Variants in TKT observed in about 807,000 individuals in gnomAD.
TKT encodes the protein transketolase.
In TKT, 47 loss-of-function variants were observed where a neutral mutation model predicts 63.9. The ratio of observed to expected loss-of-function variants is 0.74; its 90% confidence interval spans 0.58 to 0.94. The LOEUF is 0.94. Among genes scored for constraint, TKT ranks in the 40% least tolerant of loss-of-function variants. The pLI is 0.00. For missense variants in TKT, 721 were observed against 846.2 expected (o/e 0.85, Z 1.84); for synonymous variants, 338 against 334.1 (o/e 1.01, Z -0.13).
At chr3:53,231,282 C>A in intron 7 of TKT, 75 bp downstream of exon 7, 1 of 1,542,680 alleles carries the variant, frequency 6.5e-7, no homozygotes. Context: ...CCCAGCCCTC[C>A]AGAGGGTGTA....
At chr3:53,246,715 G>T (rs1260127549) in intron 1 of TKT, among the ~76,000 whole-genome samples, 1 of 152,040 alleles carries the variant, frequency 6.6e-6, no homozygotes, top group Non-Finnish European at 1.5e-5. Context: ...AGCCGGGCAT[G>T]TGGCACATGC....
rs782568516 is a variant in TKT at position 53,233,245 on chromosome 3, C to G, written c.659G>C (p.Ser220Thr). Residue 220 changes from serine (S) to threonine (T), a missense_variant, in exon 6 of 14, where the codon AGC (serine) becomes ACC (threonine). Ser to Thr is a moderately conservative substitution (Grantham distance 58). Transcript: ENST00000462138. ...GWHAIIVDGH[S>T]VEELCKAFGQ... ...AAAGGCCTTGCACAGCTCCTCCACG[C>G]TGTGTCCATCCACGATGATGGCATG... 1.9e-6 allele frequency: 3 copies of G among 1,613,006 alleles called. No individual in the cohort carries two copies. In the African/African-American group the frequency reaches 4.0e-5, roughly 22 times the overall value.
At chr3:53,255,649 G>A (rs1346107450) in intron 1 of TKT, among the ~76,000 whole-genome samples, 187 bp downstream of exon 1, 5 of 152,028 alleles carry the variant, frequency 3.3e-5, no homozygotes, top group Non-Finnish European at 7.4e-5. Flanking sequence ...GCGAGTGTGC[G>A]GCGCAGCGGA....
rs782165836 is a variant in TKT at position 53,229,325 on chromosome 3, C to T, written c.1219G>A (p.Glu407Lys). The T allele has an allele frequency of 4.4e-5, 71 of 1,613,884 alleles. No individual in the cohort carries two copies. The highest frequency in any genetic ancestry group is 2.2e-5 in the South Asian group (2 of 91,072). The change falls in exon 9 of 14, where the codon GAG (glutamate) becomes AAG (lysine). Residue 407 changes from glutamate (E) to lysine (K), a missense_variant. Physicochemically the swap from Glu to Lys is moderately conservative, Grantham distance 56. Transcript: ENST00000462138. ...FDQIRMAAIS[E>K]SNINLCGSHC... is the part of the protein sequence containing the mutation. ...GAGCCGCAGAGGTTGATGTTGCTCT[C>T]GGAGATGGCGGCCATGCGAATCTGG...
intron 1 of TKT, among the ~76,000 whole-genome samples, chr3:53,246,773 C>G (rs1166477432): frequency 3.3e-5 from 5 of 151,606 alleles, no homozygotes; most frequent in African/African-American, 9.7e-5. Context: ...ATCGTTTGAA[C>G]CCGGGAGGCG....
rs782434016 is a variant in TKT, at chr3:53,229,378, A to G, written c.1166T>C (p.Phe389Ser). The part of the protein sequence containing the change: ...RNRTVPFCST[F>S]AAFFTRAFDQ... Reference sequence around the variant, plus strand: ...AAAGGCCCGCGTGAAGAAGGCTGCAAAAGTGCTGCAGAAGGGCACCGTCCT... The same window carrying G: ...AAAGGCCCGCGTGAAGAAGGCTGCAGAAGTGCTGCAGAAGGGCACCGTCCT... Residue 389 changes from phenylalanine to serine, a missense_variant, in exon 9 of 14, where the codon TTT becomes TCT. Phe to Ser is a radical substitution (Grantham distance 155, BLOSUM62 -2). Coordinates refer to ENST00000462138, the MANE Select transcript of TKT (RefSeq NM_001064.4). 1 of 1,613,188 alleles carries G rather than the reference A, an allele frequency of 6.2e-7. No homozygotes were observed. Among genetic ancestry groups the G allele is most frequent in the South Asian group, 1.1e-5 (1 of 90,920 alleles).
rs781857349 is a variant in TKT, at chr3:53,229,342, C to A, written c.1202G>T (p.Arg401Leu). 1.2e-6 allele frequency: 2 copies of A among 1,613,842 alleles called. No homozygotes were observed. The highest frequency in any genetic ancestry group is 1.7e-6 in the Non-Finnish European group (2 of 1,179,926). ...GTTGCTCTCGGAGATGGCGGCCATG[C>A]GAATCTGGTCAAAGGCCCGCGTGAA... ...AFFTRAFDQI[R>L]MAAISESNIN... The change falls in exon 9 of 14, where the codon CGC becomes CTC. Residue 401 changes from arginine (R) to leucine (L), a missense_variant. Physicochemically the swap from Arg to Leu is moderately radical, Grantham distance 102. Transcript: ENST00000462138.
In TKT at chr3:53,231,488, T is replaced by C; in HGVS notation, c.811A>G (p.Ile271Val). 1 of 1,614,198 alleles carries C rather than the reference T, an allele frequency of 6.2e-7. No individual in the cohort carries two copies. The highest frequency in any genetic ancestry group is 1.3e-5 in the African/African-American group (1 of 75,064). Reference protein sequence around the residue: ...PLPKNMAEQIIQEIYSQIQSK... With the variant: ...PLPKNMAEQIVQEIYSQIQSK... ...TGGATCTGGCTGTAGATCTCCTGGA[T>C]GATCTGCTCAGCCATGTTTTTGGGG... The change falls in exon 7 of 14, where the codon ATC becomes GTC. Residue 271 changes from isoleucine (I) to valine (V), a missense_variant. Ile to Val is a conservative substitution (Grantham distance 29). Transcript: ENST00000462138.
At chr3:53,247,727 C>A (rs906813902) in intron 1 of TKT, among the ~76,000 whole-genome samples, 1 of 151,866 alleles carries the variant, frequency 6.6e-6, no homozygotes, top group Non-Finnish European at 1.5e-5. Context: ...TCTTCCTGTG[C>A]CCTGAACTAC....
At chr3:53,232,220 GA>G (rs1297049356) in intron 6 of TKT, 1 of 398,036 alleles carries the variant, frequency 2.5e-6, no homozygotes, top group Non-Finnish European at 4.4e-6. Flanking sequence ...GAGCCCCCAA[GA>G]AGCTGCAAGT....
intron 3 of TKT, 111 bp downstream of exon 3, chr3:53,241,021 C>A: frequency 1.1e-6 from 1 of 885,732 alleles, no homozygotes; most frequent in Non-Finnish European, 1.7e-6. Flanking sequence ...TGCCCTCCTC[C>A]GCCTTTCAAC....
In TKT at chr3:53,242,145, C is replaced by A; in HGVS notation, c.205G>T (p.Asp69Tyr). Residue 69 changes from aspartate (D) to tyrosine (Y), a missense_variant, in exon 2 of 14, where the codon GAC becomes TAC. Physicochemically the swap from Asp to Tyr is radical, Grantham distance 160 (BLOSUM62 -3). Transcript: ENST00000462138. ...KSQDPRNPHN[D>Y]RFVLSKGHAA... Reference sequence around the variant, plus strand: ...CTTACCTTGGAGAGCACAAAGCGGTCATTGTGCGGATTCCGGGGGTCCTGG... The same window carrying A: ...CTTACCTTGGAGAGCACAAAGCGGTAATTGTGCGGATTCCGGGGGTCCTGG... 1.9e-6 allele frequency: 3 copies of A among 1,614,074 alleles called. No homozygotes were observed. The South Asian group carries it at 3.3e-5, about 18-fold the overall frequency.
intron 5 of TKT, 195 bp from the exon 6 acceptor site, chr3:53,233,469 C>T (rs1704867945): frequency 2.0e-6 from 1 of 510,222 alleles, no homozygotes; most frequent in East Asian, 3.3e-5. Flanking sequence ...TTCTTTTTCA[C>T]ATTATTTTAC....
Position 53,225,699 on chromosome 3 carries a change from C to G in TKT, c.*57G>C. 2 of 1,506,670 alleles carry G rather than the reference C, an allele frequency of 1.3e-6. No homozygotes were observed. Among genetic ancestry groups the G allele is most frequent in the South Asian group, 2.6e-5 (2 of 76,490 alleles). 93.3% of individuals were successfully genotyped at this position (1,506,670 alleles called of 1,614,324 possible). A position where few individuals can be genotyped will look rare whatever the true frequency, so the allele number is the denominator to read the frequency against. On this transcript the variant is annotated 3_prime_UTR_variant, in exon 14 of 14. Transcript: ENST00000462138. Reference sequence around the variant, plus strand: ...CCCCTCCTCTCAGTACATCTTTGAGCACCTTTCCCAGAATCTCAGGAATGT... The same window carrying G: ...CCCCTCCTCTCAGTACATCTTTGAGGACCTTTCCCAGAATCTCAGGAATGT...
In TKT at chr3:53,229,736, G is replaced by T. The variant is rs118171816; in HGVS notation, c.1108-300C>A. On this transcript the variant is annotated intron_variant, in intron 8 of 13. Coordinates refer to ENST00000462138, the MANE Select transcript of TKT (RefSeq NM_001064.4). ...GCTGCCCTTCAAGGCTCCAAAATCTGCCAGCCAACACAAGGCCTCTTTCCC... is the reference window on the plus strand; with the variant it reads ...GCTGCCCTTCAAGGCTCCAAAATCTTCCAGCCAACACAAGGCCTCTTTCCC... Among the ~76,000 whole-genome samples, 744 of 151,990 alleles carry T rather than the reference G, an allele frequency of 4.9e-3. 37 individuals carry two copies. In the South Asian group the frequency reaches 0.1, roughly 21 times the overall value.
Position 53,231,545 on chromosome 3 carries a change from C to G in TKT, c.754G>C (p.Glu252Gln), listed in dbSNP as rs1704760975. Residue 252 changes from glutamate to glutamine, a missense_variant, in exon 7 of 14, where the codon GAA (glutamate) becomes CAA (glutamine). Transcript: ENST00000462138. ...TFKGRGITGV[E>Q]DKESWHGKPL... ...TTCCCATGCCAAGACTCCTTATCTTCTACCCCTGCAGACCCAACACGGGAG... is the reference window on the plus strand; with the variant it reads ...TTCCCATGCCAAGACTCCTTATCTTGTACCCCTGCAGACCCAACACGGGAG... The G allele has an allele frequency of 5.0e-6, 8 of 1,613,538 alleles. No individual in the cohort carries two copies. The highest frequency in any genetic ancestry group is 1.3e-5 in the African/African-American group (1 of 75,058).
rs782323696 is a variant in TKT, at chr3:53,241,113, C to A, written c.339+19G>T. On this transcript the variant is annotated intron_variant, in intron 3 of 13. Coordinates refer to ENST00000462138, the MANE Select transcript of TKT (RefSeq NM_001064.4). ...GAAGTGGAGGCAGAGGCATGGGAGG[C>A]TCTGGCAGGAGCACTTACCGGGACC... is the stretch of plus-strand genomic sequence containing the variant. 9 of 1,538,662 alleles carry A rather than the reference C, an allele frequency of 5.8e-6. No homozygotes were observed. The highest frequency in any genetic ancestry group is 2.9e-5 in the African/African-American group (2 of 69,734).
chr3:53,246,370 T>C lies in TKT; in HGVS notation c.108-4128A>G, dbSNP rs147057086. Among the ~76,000 whole-genome samples the C allele has an allele frequency of 1.1e-4, 17 of 152,332 alleles. No individual in the cohort carries two copies. The East Asian group carries it at 2.9e-3, about 26-fold the overall frequency. The stretch of plus-strand genomic sequence containing the variant: ...TGGAACTCACTTATATGTTTATCAA[T>C]AGACGAGGTTAACTGGAATATATTA... On this transcript the variant is annotated intron_variant, in intron 1 of 13. Transcript: ENST00000462138.
intron 1 of TKT, among the ~76,000 whole-genome samples, chr3:53,252,777 C>A (rs1553681838): frequency 6.6e-6 from 1 of 152,144 alleles, no homozygotes; most frequent in African/African-American, 2.4e-5. Context: ...GCGGCTGTAC[C>A]TGGCCTTCCC....
Sources: gnomAD v4.1 joint callset for allele counts (sites outside exome capture counted in the v4.1 genomes callset) on GRCh38, gnomAD v4.1.1 for gene constraint, MANE v1.5 for transcripts, NCBI Gene and HGNC (gene_info 2026-07-23, HGNC 2026-07-21) for gene names.